Variants in CNTNAP2 observed in about 807,000 individuals in gnomAD.
The protein encoded by CNTNAP2 is contactin-associated protein-like 2.
CNTNAP2 carries 98 observed loss-of-function variants against 155.2 expected under a neutral mutation model. The observed-to-expected ratio is 0.63, with a 90% CI of 0.54 to 0.75. The LOEUF is 0.75. Ranked by LOEUF, CNTNAP2 falls within the 30% of genes least tolerant of loss-of-function variation. The probability of loss-of-function intolerance (pLI) is 0.00; values close to 1 mark genes in which losing one functional copy is unlikely to be tolerated. For missense variants in CNTNAP2, 1,727 were observed against 1,688.1 expected (o/e 1.02, Z -0.40); for synonymous variants, 651 against 631.2 (o/e 1.03, Z -0.47).
intron 11 of CNTNAP2, among the ~76,000 whole-genome samples, chr7:147,514,552 A>G (rs1799082277): frequency 6.6e-6 from 1 of 151,964 alleles, no homozygotes; most frequent in Admixed American, 6.6e-5. Context: ...AAGGGAATGA[A>G]GTTTAATGGA....
At chr7:146,725,252 C>T (rs578229997) in intron 1 of CNTNAP2, among the ~76,000 whole-genome samples, 2 of 152,172 alleles carry the variant, frequency 1.3e-5, no homozygotes, top group Non-Finnish European at 2.9e-5. Flanking sequence ...ATTTCATCTA[C>T]AAAGACCCTA....
intron 3 of CNTNAP2, among the ~76,000 whole-genome samples, chr7:146,911,746 T>C (rs933424689): frequency 2.0e-5 from 3 of 151,940 alleles, no homozygotes; most frequent in African/African-American, 7.2e-5. Flanking sequence ...GCATGGCACA[T>C]GTATACATAT....
intron 1 of CNTNAP2, among the ~76,000 whole-genome samples, chr7:146,615,571 T>A (rs1799210470): frequency 6.6e-6 from 1 of 152,210 alleles, no homozygotes; most frequent in African/African-American, 2.4e-5. Flanking sequence ...CCATATCTCA[T>A]CAACACACAT....
intron 13 of CNTNAP2, among the ~76,000 whole-genome samples, chr7:147,756,292 T>C (rs1012432063): frequency 1.3e-5 from 2 of 152,232 alleles, no homozygotes; most frequent in South Asian, 4.1e-4. Context: ...GTTTTCTGAC[T>C]ACAGCTTTTT....
intron 10 of CNTNAP2, among the ~76,000 whole-genome samples, chr7:147,396,858 T>A (rs1461660590): frequency 2.0e-5 from 3 of 152,174 alleles, no homozygotes; most frequent in African/African-American, 7.2e-5. Flanking sequence ...TAAATTTTTT[T>A]AAAATTTTGA....
intron 11 of CNTNAP2, among the ~76,000 whole-genome samples, chr7:147,555,511 T>C (rs567281621): frequency 2.6e-4 from 39 of 152,282 alleles, no homozygotes; most frequent in African/African-American, 9.4e-4. Flanking sequence ...ATACGCAAAA[T>C]GTTATATTAC....
At chr7:147,681,107 G>A (rs1403682240) in intron 13 of CNTNAP2, among the ~76,000 whole-genome samples, 1 of 151,920 alleles carries the variant, frequency 6.6e-6, no homozygotes, top group Non-Finnish European at 1.5e-5. Context: ...GAAAGGGGAA[G>A]TTTCATGTGT....
chr7:146,860,544 A>G (rs1415805501), intron 3 of CNTNAP2, among the ~76,000 whole-genome samples: 1 of 152,168 alleles, frequency 6.6e-6, no homozygotes, highest in East Asian at 1.9e-4. Context: ...AAGTACACAA[A>G]CTAGATAGGG....
intron 8 of CNTNAP2, among the ~76,000 whole-genome samples, chr7:147,296,441 A>G (rs1805446475): frequency 6.6e-6 from 1 of 152,238 alleles, no homozygotes; most frequent in Non-Finnish European, 1.5e-5. Flanking sequence ...ATAAGCCTTT[A>G]CATGCATAGA....
At chr7:148,001,123 C>T (rs752708040) in intron 15 of CNTNAP2, among the ~76,000 whole-genome samples, 1 of 152,112 alleles carries the variant, frequency 6.6e-6, no homozygotes, top group Non-Finnish European at 1.5e-5. Flanking sequence ...CTGCAAATAC[C>T]CAGTTTCCAA....
At chr7:146,589,875 C>A (rs1162321928) in intron 1 of CNTNAP2, among the ~76,000 whole-genome samples, 1 of 152,110 alleles carries the variant, frequency 6.6e-6, no homozygotes, top group South Asian at 2.1e-4. Context: ...GCAGAGTTTT[C>A]CTTTGGTTCC....
chr7:147,500,213 G>A (rs189592151), intron 11 of CNTNAP2, among the ~76,000 whole-genome samples: 163 of 151,790 alleles, frequency 1.1e-3, no homozygotes, highest in African/African-American at 3.8e-3. Flanking sequence ...TATGCAGAAG[G>A]GCTTTTCATT....
chr7:147,740,922 A>T (rs1331781745), intron 13 of CNTNAP2, among the ~76,000 whole-genome samples: 1 of 151,878 alleles, frequency 6.6e-6, no homozygotes, highest in East Asian at 1.9e-4. Context: ...CCAGTCCCTC[A>T]GGTGTCCTCA....
chr7:147,033,997 G>A (rs947333095), intron 3 of CNTNAP2, among the ~76,000 whole-genome samples: 61 of 152,250 alleles, frequency 4.0e-4, no homozygotes, highest in African/African-American at 1.3e-3. Context: ...CATATGCAGA[G>A]TAGCACTTGT....
chr7:147,584,245 G>T (rs1162538761), intron 12 of CNTNAP2, among the ~76,000 whole-genome samples: 1 of 152,090 alleles, frequency 6.6e-6, no homozygotes, highest in African/African-American at 2.4e-5. Context: ...CTTTCTTAGG[G>T]GTTCACGATA....
At chr7:146,787,729 A>G (rs1415488342) in intron 2 of CNTNAP2, among the ~76,000 whole-genome samples, 1 of 152,120 alleles carries the variant, frequency 6.6e-6, no homozygotes, top group Non-Finnish European at 1.5e-5. Flanking sequence ...CCCCACCCAC[A>G]TCCTGCTGAT....
At chr7:147,792,654 C>A (rs962136519) in intron 13 of CNTNAP2, among the ~76,000 whole-genome samples, 5 of 152,152 alleles carry the variant, frequency 3.3e-5, no homozygotes, top group African/African-American at 1.2e-4. Context: ...AATAATGCTT[C>A]TATGACCATT....
chr7:148,045,966 A>G lies in CNTNAP2; in HGVS notation c.2383+67977A>G, dbSNP rs1478261637. Among the ~76,000 whole-genome samples, 3 of 152,386 alleles carry G rather than the reference A, an allele frequency of 2.0e-5. No homozygotes were observed. The East Asian group carries it at 5.8e-4, about 29-fold the overall frequency. ...ATATAATGAAAATAGTTTATGTGTG[A>G]AAACACATAAGTAATTACATAATAC... On this transcript the variant is annotated intron_variant, in intron 15 of 23. Transcript: ENST00000361727.
chr7:146,798,348 T>C (rs1295320806), intron 2 of CNTNAP2, among the ~76,000 whole-genome samples: 1 of 152,110 alleles, frequency 6.6e-6, no homozygotes, highest in Non-Finnish European at 1.5e-5. Context: ...TTAGCATGTT[T>C]TCTTTATTTT....
Sources: gnomAD v4.1 joint callset for allele counts (sites outside exome capture counted in the v4.1 genomes callset) on GRCh38, gnomAD v4.1.1 for gene constraint, MANE v1.5 for transcripts, NCBI Gene and HGNC (gene_info 2026-07-23, HGNC 2026-07-21) for gene names.